The following CAPS variants were observed in gnomAD, a reference collection of about 807,000 sequenced individuals.
CAPS encodes calcyphosin.
Under a neutral mutation model 15.5 loss-of-function variants are expected in CAPS, and 16 were observed. That is an observed-to-expected ratio of 1.03 (90% CI 0.70 to 1.57). CAPS has a LOEUF of 1.57. CAPS is among the 40% of genes most tolerant of loss of function. The pLI is 0.00. For synonymous variants in CAPS, 121 were observed against 116.0 expected, an observed-to-expected ratio of 1.04 and a Z score of -0.28; for missense variants, 294 against 278.4, an observed-to-expected ratio of 1.06 and a Z score of -0.40.
At position 5,916,082 on chromosome 19, in the gene CAPS, G is replaced by C. The variant is rs557218703; in HGVS notation, c.*760G>C. ...GCTGGAGGTCCTCGCCCGGGGAGGT[G>C]GAGGCCGTTCCTGGTCAGGGGCTTC... is the stretch of plus-strand genomic sequence containing the variant. On this transcript the variant is annotated 3_prime_UTR_variant, in exon 5 of 5. Transcript: ENST00000588776. 36 of 152,382 alleles carry C rather than the reference G, an allele frequency of 2.4e-4. 1 individual carries two copies. Among genetic ancestry groups the C allele is most frequent in the African/African-American group, 7.9e-4 (33 of 41,556 alleles). 9.4% of individuals were successfully genotyped at this position (152,382 alleles called of 1,614,324 possible).
rs2057726939 is a variant in CAPS at position 5,915,575 on chromosome 19, G to A, written c.*253G>A. The A allele has an allele frequency of 2.1e-6, 1 of 476,140 alleles. No homozygotes were observed. The highest frequency in any genetic ancestry group is 1.9e-5 in the African/African-American group (1 of 51,770). The allele number at this position is 476,140 out of a possible 1,614,324, so 29.5% of individuals were successfully genotyped here. ...ACGCTCTCCCCACCCACGCCATGCT[G>A]ACCAGAGATCTTGCAGCCCCTGTGG... On this transcript the variant is annotated 3_prime_UTR_variant, in exon 5 of 5. Coordinates refer to ENST00000588776, the MANE Select transcript of CAPS (RefSeq NM_004058.5).
At chr19:5,914,521 G>C (rs377084543) in intron 2 of CAPS, 32 bp downstream of exon 2, 1 of 1,605,342 alleles carries the variant, frequency 6.2e-7, no homozygotes, top group Non-Finnish European at 8.5e-7. Flanking sequence ...TCCTGACCCC[G>C]GCCCCTGAGA....
At position 5,914,482 on chromosome 19, in the gene CAPS, C is replaced by T. The variant is rs2057712528; in HGVS notation, c.76C>T (p.Leu26=). Reference sequence around the variant, plus strand: ...CCGCGGGGCCTCGGGCATCCAGGGCCTGGCCAGGTGAGCTGTCCCCTCTCA... The same window carrying T: ...CCGCGGGGCCTCGGGCATCCAGGGCTTGGCCAGGTGAGCTGTCCCCTCTCA... The part of the protein sequence containing the change: ...LSRGASGIQG[L]ARFFRQLDRD... The change falls in exon 2 of 5, where the codon CTG becomes TTG. Residue 26 remains leucine, a synonymous_variant. Transcript: ENST00000588776. The T allele has an allele frequency of 6.2e-7, 1 of 1,611,394 alleles. No individual in the cohort carries two copies. Among genetic ancestry groups the T allele is most frequent in the South Asian group, 1.1e-5 (1 of 90,962 alleles).
rs531361986 is a variant in CAPS, at chr19:5,915,080, G to C, written c.402G>C (p.Glu134Asp). 2.1e-4 allele frequency: 345 copies of C among 1,613,220 alleles called. 3 individuals are homozygous for C. In the South Asian group the frequency reaches 3.4e-3, roughly 16 times the overall value. Residue 134 changes from glutamate (E) to aspartate (D), a missense_variant, in exon 4 of 5, where the codon GAG becomes GAC. Coordinates refer to ENST00000588776, the MANE Select transcript of CAPS (RefSeq NM_004058.5). ...GRAHPKVRSG[E>D]WTEDEVLRRF... is the part of the protein sequence containing the mutation. ...CCCACCCCAAGGTGCGCAGTGGGGA[G>C]TGGACCGAGGACGAGGTGCTGCGCC...
rs1248053024 is a variant in CAPS, at chr19:5,915,202, C to T, written c.469-19C>T. 1 of 1,611,822 alleles carries T rather than the reference C, an allele frequency of 6.2e-7. No homozygotes were observed. The highest frequency in any genetic ancestry group is 1.3e-5 in the African/African-American group (1 of 75,024). On this transcript the variant is annotated intron_variant, in intron 4 of 4. Coordinates refer to ENST00000588776, the MANE Select transcript of CAPS (RefSeq NM_004058.5). ...AGGCAGTTCCTCGGCCGTGCCCCCT[C>T]ACGGCCCTCTGTTCCCAGGTCACAC... is the stretch of plus-strand genomic sequence containing the variant.
intron 3 of CAPS, 84 bp from the exon 4 acceptor site, chr19:5,914,856 G>C (rs2057717941): frequency 6.5e-7 from 1 of 1,533,350 alleles, no homozygotes; most frequent in Non-Finnish European, 8.8e-7. Flanking sequence ...CGCCTGCTGG[G>C]GCATACAGCC....
In CAPS at chr19:5,914,740, G is replaced by A. The variant is rs1222648912; in HGVS notation, c.261G>A (p.Arg87=). The A allele has an allele frequency of 6.2e-7, 1 of 1,606,234 alleles. No individual in the cohort carries two copies. The highest frequency in any genetic ancestry group is 1.1e-5 in the South Asian group (1 of 89,860). The change falls in exon 3 of 5, where the codon CGG becomes CGA. Residue 87 remains arginine (R), a splice_region_variant and synonymous_variant. Coordinates refer to ENST00000588776, the MANE Select transcript of CAPS (RefSeq NM_004058.5). ...TGGAGGAGTTCCTTCGGGCGCTGCG[G>A]GTGAGCCCCCACCTCACAGTCAAGG... ...LDLEEFLRAL[R]PPMSQAREAV...
chr19:5,915,411 AG>A lies in CAPS; in HGVS notation c.*90del. 1.1e-6 allele frequency: 1 copy of A among 947,222 alleles called. No homozygotes were observed. The highest frequency in any genetic ancestry group is 1.6e-6 in the Non-Finnish European group (1 of 632,534). The allele number at this position is 947,222 out of a possible 1,614,324, so 58.7% of individuals were successfully genotyped here. On this transcript the variant is annotated 3_prime_UTR_variant, in exon 5 of 5. Coordinates refer to ENST00000588776, the MANE Select transcript of CAPS (RefSeq NM_004058.5). ...TCCCTGGGCCCCTTCTCTCCTGGGCAGCCACACCACAGAGCGGGGAGGGGCA... is the reference window on the plus strand; with the variant it reads ...TCCCTGGGCCCCTTCTCTCCTGGGCACCACACCACAGAGCGGGGAGGGGCA...
Position 5,915,280 on chromosome 19 carries a change from TGAG to T in CAPS, c.532_534del (p.Glu178del), listed in dbSNP as rs1409514820. 6 of 1,612,690 alleles carry T rather than the reference TGAG, an allele frequency of 3.7e-6. No homozygotes were observed. The highest frequency in any genetic ancestry group is 2.2e-5 in the East Asian group (1 of 44,862). ...GCGTGAGTGCCTCCATGAACACGGA[TGAG>T]GAGTTCGTGGCCATGATGACCAGTG... On this transcript the variant is annotated inframe_deletion, in exon 5 of 5. Coordinates refer to ENST00000588776, the MANE Select transcript of CAPS (RefSeq NM_004058.5).
chr19:5,915,475 G>A lies in CAPS; in HGVS notation c.*153G>A, dbSNP rs1459447058. On this transcript the variant is annotated 3_prime_UTR_variant, in exon 5 of 5. Transcript: ENST00000588776. ...GAGGCTGCAGGACTGGCTAGACCAG[G>A]TCCCTGCCGGTCCACCAGGCGGAGG... 3.3e-6 allele frequency: 2 copies of A among 607,826 alleles called. No individual in the cohort carries two copies. The highest frequency in any genetic ancestry group is 3.7e-5 in the African/African-American group (2 of 53,914). The allele number at this position is 607,826 out of a possible 1,614,324, so 37.7% of individuals were successfully genotyped here.
Position 5,915,694 on chromosome 19 carries a change from G to T in CAPS, c.*372G>T. The T allele has an allele frequency of 4.3e-6, 1 of 233,204 alleles. No homozygotes were observed. Among genetic ancestry groups the T allele is most frequent in the African/African-American group, 2.2e-5 (1 of 44,912 alleles). 14.4% of individuals were successfully genotyped at this position (233,204 alleles called of 1,614,324 possible). A position where few individuals can be genotyped will look rare whatever the true frequency, so the allele number is the denominator to read the frequency against. ...CCCAGGAAGCCAGGTGACCCCAGGT[G>T]GGAGGCTGTGTGTGGAGGCCATCCT... On this transcript the variant is annotated 3_prime_UTR_variant, in exon 5 of 5. Coordinates refer to ENST00000588776, the MANE Select transcript of CAPS (RefSeq NM_004058.5).
chr19:5,914,947 T>A lies in CAPS; in HGVS notation c.269T>A (p.Met90Lys). The change falls in exon 4 of 5, where the codon ATG becomes AAG. Residue 90 changes from methionine (M) to lysine (K), a missense_variant. Coordinates refer to ENST00000588776, the MANE Select transcript of CAPS (RefSeq NM_004058.5). ...EEFLRALRPP[M>K]SQAREAVIAA... ...CACCACCTCCTGTCCCAGCCCCCCA[T>A]GTCCCAGGCCCGGGAGGCTGTCATC... The A allele has an allele frequency of 6.2e-7, 1 of 1,604,224 alleles. No individual in the cohort carries two copies. Among genetic ancestry groups the A allele is most frequent in the Non-Finnish European group, 8.5e-7 (1 of 1,179,296 alleles).
Position 5,914,426 on chromosome 19 carries a change from C to T in CAPS, c.20C>T (p.Thr7Ile). ...CCAAGCATGGACGCCGTGGATGCCACCATGGAGAAACTCCGGGCACAGTGC... is the reference window on the plus strand; with the variant it reads ...CCAAGCATGGACGCCGTGGATGCCATCATGGAGAAACTCCGGGCACAGTGC... MDAVDA[T>I]MEKLRAQCLS... The change falls in exon 2 of 5, where the codon ACC becomes ATC. Residue 7 changes from threonine to isoleucine, a missense_variant. Coordinates refer to ENST00000588776, the MANE Select transcript of CAPS (RefSeq NM_004058.5). The T allele has an allele frequency of 6.2e-7, 1 of 1,613,208 alleles. No individual in the cohort carries two copies. The highest frequency in any genetic ancestry group is 8.5e-7 in the Non-Finnish European group (1 of 1,179,992).
Position 5,914,611 on chromosome 19 carries a change from T to C in CAPS, c.132T>C (p.Asp44=), listed in dbSNP as rs1177364949. Residue 44 remains aspartate (D), a synonymous_variant, in exon 3 of 5, where the codon GAT becomes GAC. Transcript: ENST00000588776. ...ACGGGAGCAGATCCCTGGACGCTGA[T>C]GAGTTCCGGCAGGGTCTGGCCAAAC... ...DRDGSRSLDA[D]EFRQGLAKLG... is the part of the protein sequence containing the mutation. The C allele has an allele frequency of 2.5e-6, 4 of 1,613,418 alleles. No individual in the cohort carries two copies. Among genetic ancestry groups the C allele is most frequent in the African/African-American group, 2.7e-5 (2 of 74,948 alleles).
In CAPS at chr19:5,915,566, C is replaced by G. The variant is rs555869252; in HGVS notation, c.*244C>G. The G allele has an allele frequency of 2.0e-6, 1 of 497,226 alleles. No homozygotes were observed. The highest frequency in any genetic ancestry group is 3.4e-5 in the Admixed American group (1 of 29,342). 30.8% of individuals were successfully genotyped at this position (497,226 alleles called of 1,614,324 possible). A position where few individuals can be genotyped will look rare whatever the true frequency, so the allele number is the denominator to read the frequency against. On this transcript the variant is annotated 3_prime_UTR_variant, in exon 5 of 5. Coordinates refer to ENST00000588776, the MANE Select transcript of CAPS (RefSeq NM_004058.5). ...CAGGGAGAAACGCTCTCCCCACCCA[C>G]GCCATGCTGACCAGAGATCTTGCAG...
In CAPS at chr19:5,914,563, G is replaced by T; in HGVS notation, c.84G>T (p.Arg28Ser). 6.2e-7 allele frequency: 1 copy of T among 1,604,614 alleles called. No homozygotes were observed. Among genetic ancestry groups the T allele is most frequent in the Non-Finnish European group, 8.5e-7 (1 of 1,173,316 alleles). ...TTCCAACCGTGTCCCCTGCCTCCAGGTTTTTCCGCCAACTAGACCGGGACG... is the reference window on the plus strand; with the variant it reads ...TTCCAACCGTGTCCCCTGCCTCCAGTTTTTTCCGCCAACTAGACCGGGACG... ...RGASGIQGLA[R>S]FFRQLDRDGS... Residue 28 changes from arginine (R) to serine (S), a missense_variant and splice_region_variant, in exon 3 of 5, where the codon AGG (arginine) becomes AGT (serine). By Grantham distance (110) the Arg-to-Ser change is moderately radical (BLOSUM62 -1). Coordinates refer to ENST00000588776, the MANE Select transcript of CAPS (RefSeq NM_004058.5).
rs1296703894 is a variant in CAPS at position 5,915,165 on chromosome 19, G to GGCCCCCTCCCCAGGCAGTTCCTCGGCCGT, written c.468+28_469-19dup. ...CGGGCAGGTGGGTGGCTGCGCGGGG[G>GGCCCCCTCCCCAGGCAGTTCCTCGGCCGT]GCCCCCTCCCCAGGCAGTTCCTCGG... On this transcript the variant is annotated intron_variant, in intron 4 of 4. Coordinates refer to ENST00000588776, the MANE Select transcript of CAPS (RefSeq NM_004058.5). The GGCCCCCTCCCCAGGCAGTTCCTCGGCCGT allele has an allele frequency of 6.2e-7, 1 of 1,611,856 alleles. No homozygotes were observed. Among genetic ancestry groups the GGCCCCCTCCCCAGGCAGTTCCTCGGCCGT allele is most frequent in the South Asian group, 1.1e-5 (1 of 91,030 alleles).
At position 5,914,273 on chromosome 19, in the gene CAPS, G is replaced by T; in HGVS notation, c.-59G>T. The T allele has an allele frequency of 1.9e-6, 3 of 1,567,538 alleles. No homozygotes were observed. The highest frequency in any genetic ancestry group is 1.7e-6 in the Non-Finnish European group (2 of 1,157,222). On this transcript the variant is annotated 5_prime_UTR_variant, in exon 1 of 5. Transcript: ENST00000588776. ...CCAGGCACAACACAGCTAACACAAG[G>T]CCCCGCAGGCAGGACTCTGGGACAG...
chr19:5,914,400 A>C lies in CAPS; in HGVS notation c.-7A>C. On this transcript the variant is annotated 5_prime_UTR_variant, in exon 2 of 5. Coordinates refer to ENST00000588776, the MANE Select transcript of CAPS (RefSeq NM_004058.5). ...TCCCTTCCAGCTGCCCAGAGCCCAG[A>C]CCAAGCATGGACGCCGTGGATGCCA... The C allele has an allele frequency of 6.2e-7, 1 of 1,613,104 alleles. No individual in the cohort carries two copies. The highest frequency in any genetic ancestry group is 8.5e-7 in the Non-Finnish European group (1 of 1,179,946).
Sources: gnomAD v4.1 joint callset for allele counts on GRCh38, gnomAD v4.1.1 for gene constraint, MANE v1.5 for transcripts, NCBI Gene and HGNC (gene_info 2026-07-23, HGNC 2026-07-21) for gene names.